FHL1: variants seen among roughly 807,000 people sequenced by gnomAD.
FHL1 encodes the protein four and a half LIM domains 1, also known as four and a half LIM domains protein 1.
A neutral mutation model predicts 20.3 loss-of-function variants in FHL1; 1 was observed. That is an observed-to-expected ratio of 0.05 (90% confidence interval 0.02 to 0.23). The LOEUF (loss-of-function observed/expected upper bound fraction) is 0.23. Ranked by LOEUF, FHL1 falls within the 10% of genes least tolerant of loss-of-function variation. The probability of loss-of-function intolerance (pLI) is 1.00; values close to 1 mark genes in which losing one functional copy is unlikely to be tolerated. For synonymous variants in FHL1, 82 were observed against 88.9 expected (o/e 0.92, Z 0.44); for missense variants, 177 against 234.0 (o/e 0.76, Z 1.59).
At chrX:136,164,859 CT>C (rs2072670372), upstream of FHL1, among the ~76,000 whole-genome samples, 1 of 112,355 alleles carries the variant, frequency 8.9e-6, no homozygotes, top group Non-Finnish European at 1.9e-5. Flanking sequence ...AATGTGTGCA[CT>C]TTAGTTTTTG....
intron 1 of FHL1, among the ~76,000 whole-genome samples, chrX:136,158,193 C>G (rs1431175678): frequency 1.8e-5 from 2 of 112,015 alleles, no homozygotes; most frequent in East Asian, 5.6e-4. Context: ...AGGGAATTTT[C>G]TGTGCATGAA....
At chrX:136,147,359 C>T (rs2072122490), upstream of FHL1, 1 of 102,813 alleles carries the variant, frequency 9.7e-6, no homozygotes, top group Admixed American at 9.9e-5. Flanking sequence ...CGCACACAGC[C>T]TCCGTGCAGT....
upstream of FHL1, among the ~76,000 whole-genome samples, chrX:136,168,547 C>A (rs1027642496): frequency 1.3e-4 from 14 of 111,409 alleles, no homozygotes; most frequent in Non-Finnish European, 2.4e-4. Flanking sequence ...TGAATTAAGT[C>A]ACTTTAAAAC....
intron 1 of FHL1, among the ~76,000 whole-genome samples, chrX:136,201,470 A>G (rs983584110): frequency 9.8e-6 from 1 of 102,029 alleles, no homozygotes; most frequent in African/African-American, 3.4e-5. Flanking sequence ...GGTAGGTCTT[A>G]TACCAGTTAA....
At chrX:136,166,396 G>T (rs955139688), upstream of FHL1, among the ~76,000 whole-genome samples, 4 of 111,639 alleles carry the variant, frequency 3.6e-5, no homozygotes, top group Non-Finnish European at 5.6e-5. Context: ...CTGCCCTCTG[G>T]AGGGTGTCAG....
intron 2 of FHL1, among the ~76,000 whole-genome samples, chrX:136,187,638 T>A (rs1325570382): frequency 6.3e-5 from 7 of 111,100 alleles, no homozygotes; most frequent in African/African-American, 2.3e-4. Context: ...TATTGTATGA[T>A]TCCATTGCCA....
chrX:136,202,431 G>A (rs1014662827), intron 1 of FHL1, among the ~76,000 whole-genome samples: 3 of 111,026 alleles, frequency 2.7e-5, no homozygotes, highest in African/African-American at 9.8e-5. Context: ...ACAAAAGAAA[G>A]TGCAAGCTGG....
intron 2 of FHL1, among the ~76,000 whole-genome samples, chrX:136,174,735 A>G (rs1316020279): frequency 8.9e-6 from 1 of 111,816 alleles, no homozygotes; most frequent in Non-Finnish European, 1.9e-5. Context: ...AGATAAATCT[A>G]ACTCTGATTT....
chrX:136,164,373 A>C (rs1192627342), intron 1 of FHL1, among the ~76,000 whole-genome samples: 1 of 109,392 alleles, frequency 9.1e-6, no homozygotes, highest in Non-Finnish European at 1.9e-5. Context: ...TGTCTGGCTC[A>C]TTTTTGTATT....
intron 2 of FHL1, among the ~76,000 whole-genome samples, chrX:136,175,586 G>A (rs1358083329): frequency 8.9e-6 from 1 of 112,526 alleles, no homozygotes; most frequent in African/African-American, 3.2e-5. Flanking sequence ...GAAAAAAATA[G>A]TTCATTTATT....
chrX:136,164,437 A>AG (rs1469218059), intron 1 of FHL1, among the ~76,000 whole-genome samples: 1 of 110,469 alleles, frequency 9.1e-6, no homozygotes, highest in Non-Finnish European at 1.9e-5. Flanking sequence ...GACCTCCCAA[A>AG]GTGCTGGGAT....
intron 2 of FHL1, among the ~76,000 whole-genome samples, chrX:136,184,959 CAG>C (rs2148330125): frequency 1.8e-5 from 2 of 111,879 alleles, no homozygotes; most frequent in East Asian, 2.8e-4. Flanking sequence ...AGCAATTCAG[CAG>C]AGTCAGAGAT....
chrX:136,158,285 CTAA>C (rs1277683723), intron 1 of FHL1, among the ~76,000 whole-genome samples: 4 of 112,050 alleles, frequency 3.6e-5, no homozygotes, highest in African/African-American at 1.3e-4. Context: ...TTTAATTGAA[CTAA>C]TAATTATTGA....
At position 136,206,167 on chromosome X, in the gene FHL1, C is replaced by G. The variant is rs987617018; in HGVS notation, c.23-240C>G. On this transcript the variant is annotated intron_variant, in intron 1 of 5. Transcript: ENST00000370683. ...ATCTGAGCAGGGGCTTCTACCATCTCCCCAGGGAATCACTAGCCATCGGCC... is the reference window on the plus strand; with the variant it reads ...ATCTGAGCAGGGGCTTCTACCATCTGCCCAGGGAATCACTAGCCATCGGCC... The G allele has an allele frequency of 6.6e-6, 3 of 451,630 alleles. No homozygotes were observed. The African/African-American group carries it at 7.2e-5, about 11-fold the overall frequency. 37.2% of individuals were successfully genotyped at this position (451,630 alleles called of 1,213,427 possible). A position where few individuals can be genotyped will look rare whatever the true frequency, so the allele number is the denominator to read the frequency against.
intron 2 of FHL1, among the ~76,000 whole-genome samples, chrX:136,185,513 T>C (rs1036685449): frequency 8.9e-6 from 1 of 111,967 alleles, no homozygotes. Context: ...TTTTAAAATA[T>C]TCACTGATAA....
chrX:136,198,878 A>AGCT (rs1297314634), intron 1 of FHL1, among the ~76,000 whole-genome samples: 1 of 111,801 alleles, frequency 8.9e-6, no homozygotes, highest in Non-Finnish European at 1.9e-5. Flanking sequence ...TCCCTTCACC[A>AGCT]GCTGCTGCTC....
At chrX:136,190,986 G>A (rs2073418998) in intron 2 of FHL1, among the ~76,000 whole-genome samples, 1 of 111,189 alleles carries the variant, frequency 9.0e-6, no homozygotes, top group Non-Finnish European at 1.9e-5. Flanking sequence ...TTATCTTCAG[G>A]TCCGCCAATC....
chrX:136,178,145 A>G (rs535353431), intron 2 of FHL1, among the ~76,000 whole-genome samples: 102 of 111,896 alleles, frequency 9.1e-4, no homozygotes, highest in African/African-American at 3.0e-3. Flanking sequence ...TTTTATCATC[A>G]TCATTATCAT....
At chrX:136,154,907 A>G (rs1414246997) in intron 1 of FHL1, among the ~76,000 whole-genome samples, 2 of 111,735 alleles carry the variant, frequency 1.8e-5, no homozygotes, top group Non-Finnish European at 3.8e-5. Context: ...GGGTTTCACC[A>G]TGTTGGCCAG....
Sources: allele counts gnomAD v4.1 joint callset (sites outside exome capture counted in the v4.1 genomes callset), GRCh38; gene constraint gnomAD v4.1.1; transcripts MANE v1.5; gene names NCBI Gene and HGNC (gene_info 2026-07-23, HGNC 2026-07-21).